The following IKZF4 variants were observed in gnomAD, a reference collection of about 807,000 sequenced individuals.
The protein encoded by IKZF4 is IKAROS family zinc finger 4, also known as zinc finger protein Eos.
In IKZF4, 11 loss-of-function variants were observed where a neutral mutation model predicts 47.7. That is an observed-to-expected ratio of 0.23 (90% CI 0.15 to 0.38). The LOEUF (loss-of-function observed/expected upper bound fraction) is 0.38, where lower values mean the gene tolerates loss of function less well. Among genes scored for constraint, IKZF4 ranks in the 10% least tolerant of loss-of-function variants. IKZF4 has a pLI of 1.00. For synonymous variants in IKZF4, 298 were observed against 299.4 expected (o/e 1.00, Z 0.05); for missense variants, 557 against 784.9 (o/e 0.71, Z 3.47).
intron 2 of IKZF4, 89 bp downstream of exon 2, chr12:56,023,853 CT>C (rs2136645161): frequency 1.3e-6 from 2 of 1,534,484 alleles, no homozygotes; most frequent in East Asian, 4.9e-5. Context: ...CTTTCTTGCA[CT>C]CTCCCTTGCT....
chr12:56,019,782 A>C (rs1000219368), upstream of IKZF4, among the ~76,000 whole-genome samples: 11 of 152,210 alleles, frequency 7.2e-5, no homozygotes, highest in African/African-American at 2.4e-4. Flanking sequence ...TTGGATACTC[A>C]TGGAGGTGAT....
intron 3 of IKZF4, among the ~76,000 whole-genome samples, chr12:56,026,111 T>C (rs1013846157): frequency 2.6e-5 from 4 of 151,976 alleles, no homozygotes; most frequent in African/African-American, 9.7e-5. Flanking sequence ...AATTTTTGTA[T>C]TTTTAGTAAA....
chr12:56,011,368 A>T (rs1255549427), intron 1 of IKZF4: 1 of 152,154 alleles, frequency 6.6e-6, no homozygotes, highest in Non-Finnish European at 1.5e-5. Flanking sequence ...GAGGGATAGG[A>T]TCGTTTCTTC....
intron 1 of IKZF4, among the ~76,000 whole-genome samples, chr12:56,009,235 C>T (rs187730975): frequency 5.1e-4 from 78 of 152,294 alleles, no homozygotes; most frequent in Non-Finnish European, 8.2e-4. Context: ...TACTTGCTCA[C>T]TTTGCCTGGG....
At chr12:56,012,252 A>T (rs908585959) in intron 2 of IKZF4, among the ~76,000 whole-genome samples, 1 of 150,276 alleles carries the variant, frequency 6.7e-6, no homozygotes, top group African/African-American at 2.5e-5. Context: ...CCTAGGCCAC[A>T]TTAAGCATGT....
chr12:56,016,837 G>T (rs377564474), upstream of IKZF4, among the ~76,000 whole-genome samples: 1 of 151,812 alleles, frequency 6.6e-6, no homozygotes, highest in Non-Finnish European at 1.5e-5. Context: ...GAGGTGATCC[G>T]CCCGCCTCGG....
At chr12:56,017,409 A>G (rs1892261222), upstream of IKZF4, among the ~76,000 whole-genome samples, 1 of 151,700 alleles carries the variant, frequency 6.6e-6, no homozygotes, top group African/African-American at 2.4e-5. Flanking sequence ...CCTCCCTCAC[A>G]CCACATACTC....
Position 56,034,683 on chromosome 12 carries a change from A to G in IKZF4, c.1110A>G (p.Gly370=). Residue 370 remains glycine, a synonymous_variant, in exon 8 of 8, where the codon GGA becomes GGG. Transcript: ENST00000547167. Reference sequence around the variant, plus strand: ...ACCACAGCCTAGAGCCTGGCTTTGGAAGTTCCCTGGCCTTTGTGGGTGCAG... The same window carrying G: ...ACCACAGCCTAGAGCCTGGCTTTGGGAGTTCCCTGGCCTTTGTGGGTGCAG... ...VAHHSLEPGF[G]SSLAFVGAEH... is the part of the protein sequence containing the mutation. The G allele has an allele frequency of 6.2e-7, 1 of 1,613,956 alleles. No individual in the cohort carries two copies. The highest frequency in any genetic ancestry group is 1.3e-5 in the African/African-American group (1 of 75,028).
chr12:56,026,039 G>A lies in IKZF4; in HGVS notation c.287-742G>A, dbSNP rs187509210. Among the ~76,000 whole-genome samples, 30 of 152,052 alleles carry A rather than the reference G, an allele frequency of 2.0e-4. No individual in the cohort carries two copies. The East Asian group carries it at 4.7e-3, about 24-fold the overall frequency. On this transcript the variant is annotated intron_variant, in intron 3 of 7. Transcript: ENST00000547167. ...CAACCTCCGCCTCCCAAGTTCAAGC[G>A]ATTCTCCTGCCTCAGCCTCCGAAGT... is the stretch of plus-strand genomic sequence containing the variant.
At chr12:56,018,359 G>T (rs891653884), upstream of IKZF4, among the ~76,000 whole-genome samples, 1 of 152,180 alleles carries the variant, frequency 6.6e-6, no homozygotes. Flanking sequence ...TCCCTAAATA[G>T]TAATTTTCTT....
intron 3 of IKZF4, among the ~76,000 whole-genome samples, chr12:56,026,183 C>T (rs1320589785): frequency 3.9e-5 from 6 of 152,118 alleles, no homozygotes; most frequent in South Asian, 2.1e-4. Context: ...AGAATCCACC[C>T]GCCTTGGCCT....
In IKZF4 at chr12:56,034,478, C is replaced by T; in HGVS notation, c.998-93C>T. The T allele has an allele frequency of 5.3e-6, 7 of 1,327,080 alleles. No homozygotes were observed. The South Asian group carries it at 7.1e-5, about 13-fold the overall frequency. The allele number at this position is 1,327,080 out of a possible 1,614,324, so 82.2% of individuals were successfully genotyped here. A position where few individuals can be genotyped will look rare whatever the true frequency, so the allele number is the denominator to read the frequency against. ...ATGCCACGTAGTAAATAATGTTACA[C>T]CCAGCCCCACAGGTAAAAAAACAAA... On this transcript the variant is annotated intron_variant, in intron 7 of 7. Coordinates refer to ENST00000547167, the MANE Select transcript of IKZF4 (RefSeq NM_022465.4).
Position 56,023,732 on chromosome 12 carries a change from A to G in IKZF4, c.149A>G (p.Asn50Ser), listed in dbSNP as rs200060473. 1.2e-5 allele frequency: 19 copies of G among 1,613,798 alleles called. No individual in the cohort carries two copies. Among genetic ancestry groups the G allele is most frequent in the Non-Finnish European group, 1.6e-5 (19 of 1,179,846 alleles). ...TTCTTGCCTCAGGCCCAAGACTCCA[A>G]CCATTTTATAATGGAATCTTTATTT... The part of the protein sequence containing the change: ...PDFLPQAQDS[N>S]HFIMESLFCE... The change falls in exon 2 of 8, where the codon AAC becomes AGC. Residue 50 changes from asparagine (N) to serine (S), a missense_variant. Around this residue, in one of 6 missense-constraint regions of IKZF4, gnomAD observed 112 missense variants for 168.2 expected, o/e 0.67. Transcript: ENST00000547167.
chr12:56,019,164 G>A (rs905590207), upstream of IKZF4, among the ~76,000 whole-genome samples: 20 of 152,152 alleles, frequency 1.3e-4, no homozygotes, highest in African/African-American at 4.3e-4. Context: ...CTGAGATCAC[G>A]CCACTGCACT....
At chr12:56,017,990 GT>G (rs1426376051), upstream of IKZF4, 83 of 463,038 alleles carry the variant, frequency 1.8e-4, 1 homozygote, top group South Asian at 1.5e-3. Context: ...CCTGGCTAAG[GT>G]TTTTCTTCTT....
intron 5 of IKZF4, among the ~76,000 whole-genome samples, chr12:56,031,821 A>C (rs1169627756): frequency 6.6e-6 from 1 of 152,180 alleles, no homozygotes; most frequent in African/African-American, 2.4e-5. Context: ...ATAAACAAAC[A>C]AACCCAAATT....
chr12:56,021,623 G>T (rs1203650454), intron 1 of IKZF4, 43 bp downstream of exon 1: 15 of 1,567,664 alleles, frequency 9.6e-6, no homozygotes, highest in East Asian at 4.8e-5. Flanking sequence ...AGGAAGGGGG[G>T]TGCTGGGGCT....
chr12:56,029,668 A>G (rs1316303340), intron 5 of IKZF4: 1 of 152,208 alleles, frequency 6.6e-6, no homozygotes, highest in Non-Finnish European at 1.5e-5. Context: ...TACATGCTTT[A>G]TATCTACAGA....
At chr12:56,014,155 CAAAA>C (rs1303427048) in intron 2 of IKZF4, among the ~76,000 whole-genome samples, 2 of 80,928 alleles carry the variant, frequency 2.5e-5, no homozygotes, top group Admixed American at 1.5e-4. Flanking sequence ...GACTCCGTCT[CAAAA>C]AAAAAAAAAA....
Sources: gnomAD v4.1 joint callset for allele counts (sites outside exome capture counted in the v4.1 genomes callset) on GRCh38, gnomAD v4.1.1 for gene constraint, gnomAD v4.1.1 regional missense constraint, MANE v1.5 for transcripts, NCBI Gene and HGNC (gene_info 2026-07-23, HGNC 2026-07-21) for gene names.